TEX29: variants seen among roughly 807,000 people sequenced by gnomAD.
TEX29 encodes the protein testis expressed 29.
A neutral mutation model predicts 18.2 loss-of-function variants in TEX29; 26 were observed. That is an observed-to-expected ratio of 1.43 (90% CI 1.04 to 1.98). TEX29 has a LOEUF of 1.98. Ranked by LOEUF, TEX29 falls within the 30% of genes most tolerant of loss-of-function variation. The pLI is 0.00. For missense variants in TEX29, 177 were observed against 194.2 expected, an observed-to-expected ratio of 0.91 and a Z score of 0.53; for synonymous variants, 83 against 78.5, an observed-to-expected ratio of 1.06 and a Z score of -0.31.
intron 3 of TEX29, among the ~76,000 whole-genome samples, chr13:111,336,248 A>G (rs2093689506): frequency 6.6e-6 from 1 of 152,234 alleles, no homozygotes; most frequent in Non-Finnish European, 1.5e-5. Context: ...CTGTAGGAAG[A>G]GCCTGGGCAG....
chr13:111,320,776 C>A lies in TEX29; in HGVS notation c.-35+14C>A. On this transcript the variant is annotated intron_variant, in intron 1 of 5. Coordinates refer to ENST00000283547, the MANE Select transcript of TEX29 (RefSeq NM_152324.3). ...TGTGAGGCGCAGGTGAGTCGATGAA[C>A]GCCCCCTCCTGGTGTGAGCCGCCCG... 1 of 1,282,750 alleles carries A rather than the reference C, an allele frequency of 7.8e-7. No homozygotes were observed. Among genetic ancestry groups the A allele is most frequent in the Non-Finnish European group, 1.1e-6 (1 of 881,246 alleles). The allele number at this position is 1,282,750 out of a possible 1,614,324, so 79.5% of individuals were successfully genotyped here. A position where few individuals can be genotyped will look rare whatever the true frequency, so the allele number is the denominator to read the frequency against.
At chr13:111,338,493 C>T (rs2479965) in intron 3 of TEX29, among the ~76,000 whole-genome samples, 69,025 of 151,840 alleles carry the variant, frequency 0.45, 16,106 homozygotes, top group East Asian at 0.77. Context: ...TTGTTTTAAG[C>T]CCCCCAGTGC....
chr13:111,338,558 C>T (rs1375535133), intron 3 of TEX29, among the ~76,000 whole-genome samples: 5 of 152,172 alleles, frequency 3.3e-5, no homozygotes, highest in East Asian at 3.9e-4. Context: ...AGGGAAATTA[C>T]ATCTGATGGT....
intron 2 of TEX29, among the ~76,000 whole-genome samples, chr13:111,321,596 A>G (rs976428627): frequency 6.6e-6 from 1 of 151,484 alleles, no homozygotes; most frequent in Non-Finnish European, 1.5e-5. Context: ...TGTTCATGCA[A>G]TGCTTTTATA....
chr13:111,316,236 A>G, upstream of TEX29: 1 of 506,230 alleles, frequency 2.0e-6, no homozygotes, highest in South Asian at 1.5e-5. Context: ...CAAGGAAGAC[A>G]GGAAGTAACA....
upstream of TEX29, among the ~76,000 whole-genome samples, chr13:111,318,937 G>A (rs753018789): frequency 6.6e-6 from 1 of 152,212 alleles, no homozygotes; most frequent in African/African-American, 2.4e-5. Flanking sequence ...TCTAGATGGA[G>A]GTGTGGCAGA....
intron 3 of TEX29, among the ~76,000 whole-genome samples, chr13:111,332,293 T>G (rs762074653): frequency 1.3e-5 from 2 of 152,192 alleles, no homozygotes; most frequent in Non-Finnish European, 2.9e-5. Flanking sequence ...TATTTTACTG[T>G]TTTTAATGTT....
At chr13:111,324,144 CTG>C (rs1284037607) in intron 2 of TEX29, among the ~76,000 whole-genome samples, 1 of 152,192 alleles carries the variant, frequency 6.6e-6, no homozygotes, top group Non-Finnish European at 1.5e-5. Context: ...AGGCACGTCT[CTG>C]GAGTTCCCAC....
At chr13:111,330,043 CA>C (rs148199024) in intron 3 of TEX29, among the ~76,000 whole-genome samples, 7,325 of 152,084 alleles carry the variant, frequency 0.048, 541 homozygotes, top group African/African-American at 0.16. Context: ...AAGTACATTT[CA>C]AGGCTATATT....
chr13:111,327,147 G>A (rs112844234), intron 2 of TEX29, among the ~76,000 whole-genome samples: 19 of 152,362 alleles, frequency 1.2e-4, no homozygotes, highest in African/African-American at 3.8e-4. Flanking sequence ...GGCAGCAGCC[G>A]GTGACTTCAG....
chr13:111,332,197 A>T (rs1417045861), intron 3 of TEX29, among the ~76,000 whole-genome samples: 2 of 152,066 alleles, frequency 1.3e-5, no homozygotes, highest in African/African-American at 4.8e-5. Context: ...TAGTCTTTCT[A>T]TTTATTTCGG....
chr13:111,317,018 A>G (rs12870501), upstream of TEX29, among the ~76,000 whole-genome samples: 8,550 of 152,174 alleles, frequency 0.056, 338 homozygotes, highest in Middle Eastern at 0.14. Flanking sequence ...CCACGGTCCA[A>G]TCACCCCCCA....
At chr13:111,317,306 C>G (rs1312229681), upstream of TEX29, among the ~76,000 whole-genome samples, 2 of 152,056 alleles carry the variant, frequency 1.3e-5, no homozygotes, top group Non-Finnish European at 2.9e-5. Context: ...AGTTGGTGGC[C>G]TGCTGTCACC....
At chr13:111,340,065 T>G (rs534731683) in intron 4 of TEX29, 133 bp downstream of exon 4, 1 of 781,998 alleles carries the variant, frequency 1.3e-6, no homozygotes, top group African/African-American at 1.7e-5. Context: ...TCCGTGAGCC[T>G]GGGAAAGGGA....
upstream of TEX29, chr13:111,320,611 G>T (rs201074947): frequency 5.1e-4 from 275 of 537,792 alleles, no homozygotes; most frequent in East Asian, 7.3e-3. Context: ...AGCGGGCGGG[G>T]TGGTGTGTGC....
chr13:111,342,576 AAGAG>A (rs1254152059), intron 4 of TEX29, among the ~76,000 whole-genome samples, 176 bp from the exon 5 acceptor site: 1 of 149,908 alleles, frequency 6.7e-6, no homozygotes, highest in Non-Finnish European at 1.5e-5. Flanking sequence ...AAAAAAAAAA[AAGAG>A]AGAGAGAAAG....
chr13:111,323,232 G>A (rs1426399535), intron 2 of TEX29, among the ~76,000 whole-genome samples: 1 of 152,246 alleles, frequency 6.6e-6, no homozygotes, highest in Non-Finnish European at 1.5e-5. Flanking sequence ...CCCCTAGCAG[G>A]TGATGGCCTG....
chr13:111,321,059 C>T (rs1384068026), intron 2 of TEX29, 111 bp downstream of exon 2: 19 of 1,267,512 alleles, frequency 1.5e-5, no homozygotes, highest in Non-Finnish European at 2.1e-5. Flanking sequence ...TGGTCCCAGA[C>T]CTGGCTAGGA....
At chr13:111,326,218 GCCTGTCTGGTGGGGTGGAGACT>G (rs2093672726) in intron 2 of TEX29, among the ~76,000 whole-genome samples, 1 of 150,394 alleles carries the variant, frequency 6.6e-6, no homozygotes, top group African/African-American at 2.4e-5. Flanking sequence ...GGCAGTGTGA[GCCTGTCTGGTGGGGTGGAGACT>G]GCGGGCAACG....
Sources: allele counts gnomAD v4.1 joint callset (sites outside exome capture counted in the v4.1 genomes callset), GRCh38; gene constraint gnomAD v4.1.1; transcripts MANE v1.5; gene names NCBI Gene and HGNC (gene_info 2026-07-23, HGNC 2026-07-21).